Variants in ADD2 observed in about 807,000 individuals in gnomAD.
The protein encoded by ADD2 is adducin 2.
Under a neutral mutation model 83.0 loss-of-function variants are expected in ADD2, and 23 were observed. The ratio of observed to expected loss-of-function variants is 0.28; its 90% CI spans 0.20 to 0.39. The LOEUF is 0.39. Among genes scored for constraint, ADD2 ranks in the 10% least tolerant of loss-of-function variants. ADD2 has a pLI of 1.00. For synonymous variants in ADD2, 375 were observed against 375.4 expected (o/e 1.00, Z 0.01); for missense variants, 758 against 944.9 (o/e 0.80, Z 2.59).
chr2:70,704,263 T>TGGGGCCCCCCCCCCCCCCCC, intron 4 of ADD2, 58 bp downstream of exon 4: 1 of 913,238 alleles, frequency 1.1e-6, no homozygotes, highest in Non-Finnish European at 1.7e-6. Flanking sequence ...CTCCCTCTCT[T>TGGGGCCCCCCCCCCCCCCCC]CCCCACCCCA....
intron 9 of ADD2, among the ~76,000 whole-genome samples, chr2:70,684,910 C>T (rs555159843): frequency 6.6e-6 from 1 of 152,290 alleles, no homozygotes; most frequent in Non-Finnish European, 1.5e-5. Flanking sequence ...ACTCATTAAT[C>T]TAACAAATCC....
intron 1 of ADD2, among the ~76,000 whole-genome samples, chr2:70,753,399 C>T (rs782333266): frequency 6.6e-6 from 1 of 151,760 alleles, no homozygotes; most frequent in African/African-American, 2.4e-5. Context: ...TCAAGGAGAA[C>T]ATAAAGGGAG....
intron 1 of ADD2, among the ~76,000 whole-genome samples, chr2:70,746,192 AC>A (rs1268610248): frequency 6.6e-6 from 1 of 152,036 alleles, no homozygotes; most frequent in African/African-American, 2.4e-5. Flanking sequence ...TCAAATGTCA[AC>A]CCCTTTGTGA....
At chr2:70,727,120 A>G (rs1474711528) in intron 1 of ADD2, among the ~76,000 whole-genome samples, 1 of 152,208 alleles carries the variant, frequency 6.6e-6, no homozygotes, top group African/African-American at 2.4e-5. Flanking sequence ...GAAGAATGCT[A>G]GGATTGATTT....
intron 1 of ADD2, among the ~76,000 whole-genome samples, chr2:70,737,959 A>T (rs1553380474): frequency 6.6e-6 from 1 of 152,204 alleles, no homozygotes; most frequent in Admixed American, 6.5e-5. Flanking sequence ...AGAAAAGGAA[A>T]CTGAGACCCA....
At chr2:70,725,108 T>C (rs1469622726) in intron 1 of ADD2, among the ~76,000 whole-genome samples, 1 of 152,240 alleles carries the variant, frequency 6.6e-6, no homozygotes, top group Non-Finnish European at 1.5e-5. Flanking sequence ...CGAACCACCC[T>C]GTACCTCAGT....
Position 70,660,079 on chromosome 2 carries a change from G to C in ADD2, c.*3346C>G, listed in dbSNP as rs1456156136. 3 of 152,150 alleles carry C rather than the reference G, an allele frequency of 2.0e-5. No homozygotes were observed. The highest frequency in any genetic ancestry group is 4.4e-5 in the Non-Finnish European group (3 of 68,040). The allele number at this position is 152,150 out of a possible 1,614,324, so 9.4% of individuals were successfully genotyped here. ...ACTTTTATCCACAGCCAAAGAAAAT[G>C]GCCTTTCCTTTCTAATAGCCTGTAG... On this transcript the variant is annotated 3_prime_UTR_variant, in exon 16 of 16. Coordinates refer to ENST00000264436, the MANE Select transcript of ADD2 (RefSeq NM_001617.4).
At chr2:70,752,292 T>C (rs969182984) in intron 1 of ADD2, among the ~76,000 whole-genome samples, 3 of 152,218 alleles carry the variant, frequency 2.0e-5, no homozygotes, top group Non-Finnish European at 4.4e-5. Flanking sequence ...TACCTAGTTA[T>C]AAGTTATAAA....
chr2:70,747,155 C>T (rs1168939379), intron 1 of ADD2, among the ~76,000 whole-genome samples: 4 of 151,932 alleles, frequency 2.6e-5, no homozygotes, highest in East Asian at 1.9e-4. Context: ...GGACTACAGG[C>T]ACCCGCCACC....
chr2:70,690,889 T>C lies in ADD2; in HGVS notation c.746A>G (p.Asn249Ser), dbSNP rs781998244. ...MKWGLLPVSH[N>S]ALLVGDMAYY... is the part of the protein sequence containing the mutation. ...GGCCATGTCCCCCACCAGCAGGGCATTGTGGGAGACAGGCAGGAGGCCCCA... is the reference window on the plus strand; with the variant it reads ...GGCCATGTCCCCCACCAGCAGGGCACTGTGGGAGACAGGCAGGAGGCCCCA... The change falls in exon 8 of 16, where the codon AAT becomes AGT. Residue 249 changes from asparagine (N) to serine (S), a missense_variant. Coordinates refer to ENST00000264436, the MANE Select transcript of ADD2 (RefSeq NM_001617.4). 2.5e-6 allele frequency: 4 copies of C among 1,614,024 alleles called. No individual in the cohort carries two copies. The highest frequency in any genetic ancestry group is 3.3e-5 in the Admixed American group (2 of 60,002).
chr2:70,735,083 G>A (rs548286911), intron 1 of ADD2, among the ~76,000 whole-genome samples: 4 of 152,054 alleles, frequency 2.6e-5, no homozygotes, highest in South Asian at 4.2e-4. Context: ...GTATTAGTTC[G>A]ATTTTCACTT....
At chr2:70,720,457 A>G (rs78693971) in intron 1 of ADD2, among the ~76,000 whole-genome samples, 6 of 152,010 alleles carry the variant, frequency 3.9e-5, no homozygotes, top group Admixed American at 1.3e-4. Flanking sequence ...AAAATAGGAG[A>G]GATGTTGTTC....
chr2:70,726,077 C>T (rs1228275075), intron 1 of ADD2, among the ~76,000 whole-genome samples: 1 of 147,944 alleles, frequency 6.8e-6, no homozygotes, highest in Non-Finnish European at 1.5e-5. Context: ...GTCCCAGCTA[C>T]TTGGGAGGCT....
chr2:70,728,347 C>A (rs1673115058), intron 1 of ADD2, among the ~76,000 whole-genome samples: 1 of 152,154 alleles, frequency 6.6e-6, no homozygotes, highest in Non-Finnish European at 1.5e-5. Context: ...TAGCATATAC[C>A]CAACCCCCTC....
intron 2 of ADD2, chr2:70,711,028 T>C (rs1392162555): frequency 2.0e-5 from 3 of 152,144 alleles, no homozygotes; most frequent in African/African-American, 7.2e-5. Context: ...AATCTTGAGC[T>C]ACATCGACAA....
chr2:70,732,213 G>A (rs952561350), intron 1 of ADD2, among the ~76,000 whole-genome samples: 2 of 152,096 alleles, frequency 1.3e-5, no homozygotes, highest in African/African-American at 4.8e-5. Context: ...ATAGTATGAA[G>A]CCTTTAGGTC....
At chr2:70,708,325 T>C (rs1672008950) in intron 2 of ADD2, among the ~76,000 whole-genome samples, 1 of 152,180 alleles carries the variant, frequency 6.6e-6, no homozygotes, top group Non-Finnish European at 1.5e-5. Context: ...AGAGCAGTGG[T>C]TCTCAACCTT....
chr2:70,709,041 A>G (rs1672044159), intron 2 of ADD2, among the ~76,000 whole-genome samples: 1 of 152,296 alleles, frequency 6.6e-6, no homozygotes, highest in Admixed American at 6.5e-5. Flanking sequence ...AAGTTCCTGA[A>G]TCATGCTTTG....
intron 1 of ADD2, among the ~76,000 whole-genome samples, chr2:70,755,523 G>A (rs549214867): frequency 4.6e-5 from 7 of 152,102 alleles, no homozygotes; most frequent in South Asian, 4.1e-4. Context: ...CTCTTGGCTC[G>A]TGGCATCCCC....
Sources: allele counts gnomAD v4.1 joint callset (sites outside exome capture counted in the v4.1 genomes callset), GRCh38; gene constraint gnomAD v4.1.1; transcripts MANE v1.5; gene names NCBI Gene and HGNC (gene_info 2026-07-23, HGNC 2026-07-21).